Variants in SNAP47 observed in about 807,000 individuals in gnomAD.
SNAP47 encodes synaptosomal-associated protein 47.
SNAP47 carries 20 observed loss-of-function variants against 31.4 expected under a neutral mutation model. That is an observed-to-expected ratio of 0.64 (90% CI 0.45 to 0.93). SNAP47 has a LOEUF of 0.93. Among genes scored for constraint, SNAP47 ranks in the 40% least tolerant of loss-of-function variants. The probability of loss-of-function intolerance (pLI) is 0.00; values close to 1 mark genes in which losing one functional copy is unlikely to be tolerated. For synonymous variants in SNAP47, 194 were observed against 213.4 expected (o/e 0.91, Z 0.79); for missense variants, 492 against 528.5 (o/e 0.93, Z 0.68).
At chr1:227,736,661 A>G (rs1661205641) in intron 1 of SNAP47, among the ~76,000 whole-genome samples, 1 of 148,938 alleles carries the variant, frequency 6.7e-6, no homozygotes, top group South Asian at 2.1e-4. Flanking sequence ...CACTATGCCC[A>G]GCTTAGTTTT....
At chr1:227,751,620 G>A (rs976339315) in intron 2 of SNAP47, among the ~76,000 whole-genome samples, 10 of 152,140 alleles carry the variant, frequency 6.6e-5, no homozygotes, top group African/African-American at 2.2e-4. Context: ...CAGGCAGGGC[G>A]CCCAGCCTCC....
chr1:227,767,727 ACT>A (rs1663530122), intron 4 of SNAP47, among the ~76,000 whole-genome samples: 1 of 151,260 alleles, frequency 6.6e-6, no homozygotes, highest in African/African-American at 2.4e-5. Context: ...ATGTATGTGT[ACT>A]CTGTGTGTGC....
At chr1:227,735,253 G>A (rs773255721), upstream of SNAP47, 7 of 1,603,272 alleles carry the variant, frequency 4.4e-6, no homozygotes, top group Non-Finnish European at 6.0e-6. Context: ...TGTCGGCGAG[G>A]GCGCGCGTCT....
intron 1 of SNAP47, among the ~76,000 whole-genome samples, chr1:227,729,817 G>A (rs1660526199): frequency 6.6e-6 from 1 of 152,164 alleles, no homozygotes; most frequent in South Asian, 2.1e-4. Flanking sequence ...GCAGGCACGT[G>A]CTGGAGGAGC....
intron 1 of SNAP47, among the ~76,000 whole-genome samples, chr1:227,742,686 C>T (rs1033656540): frequency 1.3e-5 from 2 of 152,166 alleles, no homozygotes; most frequent in Non-Finnish European, 1.5e-5. Context: ...TCCCTCCCCT[C>T]GAAGGCCAGG....
chr1:227,747,981 C>T lies in SNAP47; in HGVS notation c.245C>T (p.Ser82Phe), dbSNP rs780377000. 2.5e-6 allele frequency: 4 copies of T among 1,614,130 alleles called. No homozygotes were observed. The highest frequency in any genetic ancestry group is 3.4e-6 in the Non-Finnish European group (4 of 1,180,062). Residue 82 changes from serine (S) to phenylalanine (F), a missense_variant, in exon 2 of 5, where the codon TCC becomes TTC. By Grantham distance (155) the Ser-to-Phe change is radical (BLOSUM62 -2). Transcript: ENST00000617596. The stretch of plus-strand genomic sequence containing the variant: ...GGCCATGCCAAGCACTGGTTCAGCT[C>T]CCTGCGGCCAAGTCGAAATGTGGTC... ...EKGHAKHWFSSLRPSRNVVFS... is the reference protein window; with the variant it reads ...EKGHAKHWFSFLRPSRNVVFS...
intron 1 of SNAP47, among the ~76,000 whole-genome samples, chr1:227,747,448 G>A (rs1402194034): frequency 6.6e-6 from 1 of 152,138 alleles, no homozygotes; most frequent in Admixed American, 6.5e-5. Context: ...CTGCCTGGGG[G>A]ATGGGCATAA....
At chr1:227,773,777 C>T (rs550446846) in intron 4 of SNAP47, among the ~76,000 whole-genome samples, 72 of 152,330 alleles carry the variant, frequency 4.7e-4, no homozygotes, top group Non-Finnish European at 6.6e-4. Flanking sequence ...GGGTGTGCCC[C>T]GCTACACAGC....
chr1:227,730,733 G>C (rs1660587187), upstream of SNAP47: 1 of 152,286 alleles, frequency 6.6e-6, no homozygotes, highest in Non-Finnish European at 1.5e-5. Flanking sequence ...GGACCAAGCA[G>C]CCTGGATGGT....
In SNAP47 at chr1:227,762,201, T is replaced by C. The variant is rs1477325513; in HGVS notation, c.988+2716T>C. Among the ~76,000 whole-genome samples the C allele has an allele frequency of 6.6e-6, 1 of 152,218 alleles. No individual in the cohort carries two copies. The highest frequency in any genetic ancestry group is 1.5e-5 in the Non-Finnish European group (1 of 68,042). On this transcript the variant is annotated intron_variant, in intron 3 of 4. Coordinates refer to ENST00000617596, the MANE Select transcript of SNAP47 (RefSeq NM_053052.4). This position sits in a 1 kb window ranked among gnomAD's most constrained non-coding sequence, Gnocchi z 4.2. ...GGACTGTTGCTCCTGTGGGGGACTG[T>C]TGTGCCACCTTTCCGTGCTCACTTT...
chr1:227,765,848 G>C (rs924781352), intron 3 of SNAP47, among the ~76,000 whole-genome samples: 4 of 152,168 alleles, frequency 2.6e-5, no homozygotes, highest in Non-Finnish European at 4.4e-5. Flanking sequence ...GCTCAGCCGG[G>C]TGCTGTCAGG....
intron 4 of SNAP47, 117 bp downstream of exon 4, chr1:227,767,200 C>A: frequency 6.9e-7 from 1 of 1,445,354 alleles, no homozygotes; most frequent in Non-Finnish European, 9.3e-7. Flanking sequence ...ATTGGCCTCG[C>A]ACCAAGGAGG....
At chr1:227,761,328 A>G (rs140065076) in intron 3 of SNAP47, among the ~76,000 whole-genome samples, 1 of 152,356 alleles carries the variant, frequency 6.6e-6, no homozygotes, top group African/African-American at 2.4e-5. Context: ...CATGAGCCCC[A>G]GGGCTGAATA....
chr1:227,735,853 G>T, intron 1 of SNAP47: 3 of 462,914 alleles, frequency 6.5e-6, no homozygotes, highest in Non-Finnish European at 8.5e-6. Context: ...ATGGAGACGG[G>T]ATCTGGAGGG....
chr1:227,745,426 A>G (rs923859387), intron 1 of SNAP47, among the ~76,000 whole-genome samples: 4 of 152,178 alleles, frequency 2.6e-5, no homozygotes, highest in Admixed American at 6.5e-5. Context: ...CCGAATAGAA[A>G]CATCTTAGGG....
chr1:227,778,214 C>T (rs1664270151), intron 4 of SNAP47, among the ~76,000 whole-genome samples: 1 of 152,250 alleles, frequency 6.6e-6, no homozygotes, highest in Admixed American at 6.5e-5. Flanking sequence ...TAACTTCTCT[C>T]ATGTTTCCTG....
chr1:227,734,116 A>G (rs976546298), upstream of SNAP47: 9 of 1,484,562 alleles, frequency 6.1e-6, no homozygotes, highest in Non-Finnish European at 5.4e-6. Context: ...ACTGAGACCA[A>G]TCGGCTCCAG....
At chr1:227,734,967 C>A, upstream of SNAP47, 1 of 1,502,472 alleles carries the variant, frequency 6.7e-7, no homozygotes. Flanking sequence ...GCCTGGGTCC[C>A]GCCGGCCTTT....
chr1:227,759,909 G>A lies in SNAP47; in HGVS notation c.988+424G>A, dbSNP rs1355814257. 2.0e-5 allele frequency among the ~76,000 whole-genome samples: 3 copies of A among 152,168 alleles called. No homozygotes were observed. In the East Asian group the frequency reaches 5.8e-4, roughly 29 times the overall value. The stretch of plus-strand genomic sequence containing the variant: ...CCTCTGGGAAGCCTGGATGAATTCT[G>A]GGAATGCATTAGTTCCCAAGAGTGG... On this transcript the variant is annotated intron_variant, in intron 3 of 4. Coordinates refer to ENST00000617596, the MANE Select transcript of SNAP47 (RefSeq NM_053052.4).
Sources: allele counts gnomAD v4.1 joint callset (sites outside exome capture counted in the v4.1 genomes callset), GRCh38; gene constraint gnomAD v4.1.1; non-coding constraint Gnocchi (gnomAD v3.1); transcripts MANE v1.5; gene names NCBI Gene and HGNC (gene_info 2026-07-23, HGNC 2026-07-21).